SRRM3: variants seen among roughly 807,000 people sequenced by gnomAD.
The protein encoded by SRRM3 is serine/arginine repetitive matrix 3.
SRRM3 carries 27 observed loss-of-function variants against 66.2 expected under a neutral mutation model. The ratio of observed to expected loss-of-function variants is 0.41; its 90% CI spans 0.30 to 0.56. The LOEUF is 0.56. Among genes scored for constraint, SRRM3 ranks in the 20% least tolerant of loss-of-function variants. The pLI is 0.32. For synonymous variants in SRRM3, 391 were observed against 414.9 expected (o/e 0.94, Z 0.70); for missense variants, 918 against 991.9 (o/e 0.93, Z 1.00).
chr7:76,225,083 T>C (rs1481673915), intron 1 of SRRM3, among the ~76,000 whole-genome samples: 1 of 152,144 alleles, frequency 6.6e-6, no homozygotes, highest in Non-Finnish European at 1.5e-5. Context: ...CTAATATTTT[T>C]TCCACCAGCC....
At chr7:76,263,270 G>A (rs1245138100) in intron 8 of SRRM3, among the ~76,000 whole-genome samples, 6 of 152,192 alleles carry the variant, frequency 3.9e-5, no homozygotes, top group African/African-American at 9.6e-5. Flanking sequence ...CATAGCCTCC[G>A]GGCCTTCCCC....
chr7:76,255,049 G>C (rs180969597), intron 3 of SRRM3, among the ~76,000 whole-genome samples: 12 of 152,104 alleles, frequency 7.9e-5, no homozygotes, highest in Admixed American at 7.9e-4. Flanking sequence ...GGACTTGTTT[G>C]GGAATTGAAT....
At chr7:76,263,991 G>A (rs1015945117) in intron 8 of SRRM3, among the ~76,000 whole-genome samples, 6 of 150,972 alleles carry the variant, frequency 4.0e-5, no homozygotes, top group African/African-American at 9.8e-5. Context: ...GGGAGCACAC[G>A]GAGGAAGGGG....
intron 3 of SRRM3, among the ~76,000 whole-genome samples, chr7:76,253,227 C>T (rs984309198): frequency 2.6e-5 from 4 of 151,846 alleles, no homozygotes; most frequent in Non-Finnish European, 5.9e-5. Context: ...TGGCTCACGC[C>T]CGTAATCCCA....
intron 2 of SRRM3, among the ~76,000 whole-genome samples, chr7:76,243,905 G>C (rs969260817): frequency 6.6e-6 from 1 of 152,186 alleles, no homozygotes; most frequent in Non-Finnish European, 1.5e-5. Context: ...TGCTGGGGGG[G>C]TGGGGCACCA....
intron 1 of SRRM3, among the ~76,000 whole-genome samples, chr7:76,207,532 C>T (rs1274513124): frequency 6.6e-6 from 1 of 152,058 alleles, no homozygotes; most frequent in Admixed American, 6.6e-5. Flanking sequence ...AGGTCTGTTG[C>T]TGTTTTTACT....
At position 76,264,822 on chromosome 7, in the gene SRRM3, G is replaced by A. The variant is rs782605200; in HGVS notation, c.725+7G>A. 10 of 1,613,352 alleles carry A rather than the reference G, an allele frequency of 6.2e-6. No homozygotes were observed. Among genetic ancestry groups the A allele is most frequent in the Admixed American group, 3.3e-5 (2 of 59,984 alleles). The stretch of plus-strand genomic sequence containing the variant: ...AGAACAAAGAGAAGAAGAGGTAAGC[G>A]CCCTCCCTACTCTCCAGCCCCCCAT... On this transcript the variant is annotated splice_region_variant and intron_variant, in intron 9 of 14. Coordinates refer to ENST00000611745, the MANE Select transcript of SRRM3 (RefSeq NM_001110199.3).
chr7:76,227,515 C>A (rs1554603838), intron 1 of SRRM3, among the ~76,000 whole-genome samples: 1 of 152,212 alleles, frequency 6.6e-6, no homozygotes. Flanking sequence ...TTTCTTGAAT[C>A]CTGGTTGTCC....
chr7:76,277,744 G>GAA (rs61035427), intron 11 of SRRM3, among the ~76,000 whole-genome samples: 40,677 of 81,978 alleles, frequency 0.5, 8,552 homozygotes, highest in Non-Finnish European at 0.54. Flanking sequence ...AAGAGAGAGA[G>GAA]AGAAAGAAAG....
In SRRM3 at chr7:76,228,723, C is replaced by CAAACA. The variant is rs548866676; in HGVS notation, c.-39-6287_-39-6283dup. ...CAGGCAACAGTGCGAGACGCCGTCTCAAACAAAACAAAACAAAACAAATCT... is the reference window on the plus strand; with the variant it reads ...CAGGCAACAGTGCGAGACGCCGTCTCAAACAAAACAAAACAAAACAAAACAAATCT... On this transcript the variant is annotated intron_variant, in intron 1 of 14. Coordinates refer to ENST00000611745, the MANE Select transcript of SRRM3 (RefSeq NM_001110199.3). Among the ~76,000 whole-genome samples the CAAACA allele has an allele frequency of 2.8e-4, 43 of 152,086 alleles. No homozygotes were observed. In the East Asian group the frequency reaches 6.6e-3, roughly 23 times the overall value.
Position 76,267,417 on chromosome 7 carries a change from G to A in SRRM3, c.990G>A (p.Ser330=). The change falls in exon 11 of 15, where the codon TCG becomes TCA. Residue 330 remains serine (S), a synonymous_variant. Coordinates refer to ENST00000611745, the MANE Select transcript of SRRM3 (RefSeq NM_001110199.3). ...GAGCGCACGGGGGCCGCCCCGGCTC[G>A]GCGCACAGCCCGCCCGATGTACGTA... ...RSGAHGGRPG[S]AHSPPDKPSS... 1 of 1,378,424 alleles carries A rather than the reference G, an allele frequency of 7.3e-7. No individual in the cohort carries two copies. The highest frequency in any genetic ancestry group is 9.3e-7 in the Non-Finnish European group (1 of 1,071,714). 85.4% of individuals were successfully genotyped at this position (1,378,424 alleles called of 1,614,324 possible).
At chr7:76,239,748 G>C (rs987352694) in intron 2 of SRRM3, among the ~76,000 whole-genome samples, 2 of 152,060 alleles carry the variant, frequency 1.3e-5, no homozygotes, top group Non-Finnish European at 2.9e-5. Context: ...AAAACAAAAG[G>C]TCACTGTCTG....
chr7:76,221,204 C>T lies in SRRM3; in HGVS notation c.-39-13824C>T, dbSNP rs57065299. Among the ~76,000 whole-genome samples the T allele has an allele frequency of 8.5e-3, 1,292 of 151,752 alleles. 15 individuals carry two copies. Among genetic ancestry groups the T allele is most frequent in the African/African-American group, 0.03 (1,243 of 41,336 alleles). On this transcript the variant is annotated intron_variant, in intron 1 of 14. Coordinates refer to ENST00000611745, the MANE Select transcript of SRRM3 (RefSeq NM_001110199.3). ...TCCCAAGTAGCTGGGTTCACAGGTGCCCGCCACCACACCCAGTTAATTTTT... is the reference window on the plus strand; with the variant it reads ...TCCCAAGTAGCTGGGTTCACAGGTGTCCGCCACCACACCCAGTTAATTTTT...
chr7:76,230,104 G>A (rs1800976283), intron 1 of SRRM3, among the ~76,000 whole-genome samples: 1 of 152,104 alleles, frequency 6.6e-6, no homozygotes, highest in South Asian at 2.1e-4. Context: ...GATTCTGACT[G>A]TATATCCATG....
intron 1 of SRRM3, among the ~76,000 whole-genome samples, chr7:76,215,059 ACAGGAAAGAT>A (rs1800525598): frequency 6.7e-6 from 1 of 149,210 alleles, no homozygotes; most frequent in South Asian, 2.1e-4. Context: ...AAAAAAAAAA[ACAGGAAAGAT>A]GAGCAGTATA....
intron 1 of SRRM3, among the ~76,000 whole-genome samples, chr7:76,230,208 G>T (rs3973163): frequency 0.27 from 40,576 of 152,008 alleles, 7,046 homozygotes; most frequent in Non-Finnish European, 0.39. Flanking sequence ...GATGTGGTGA[G>T]AATAGAGCCC....
chr7:76,267,704 A>AG, intron 11 of SRRM3: 1 of 362,440 alleles, frequency 2.8e-6, no homozygotes, highest in East Asian at 4.3e-5. Flanking sequence ...TGAAGGCCAG[A>AG]GGGGGGTTGA....
At chr7:76,277,716 C>CAAAAAAAAAA (rs386353056) in intron 11 of SRRM3, among the ~76,000 whole-genome samples, 2 of 102,778 alleles carry the variant, frequency 1.9e-5, no homozygotes, top group Non-Finnish European at 3.7e-5. Context: ...TAAACAACAA[C>CAAAAAAAAAA]AAAAAAAAAA....
chr7:76,238,328 G>A (rs10268528), intron 2 of SRRM3, among the ~76,000 whole-genome samples: 2 of 152,042 alleles, frequency 1.3e-5, no homozygotes, highest in Non-Finnish European at 2.9e-5. Context: ...TTATCAAATC[G>A]AGTCATTAAT....
Sources: allele counts gnomAD v4.1 joint callset (sites outside exome capture counted in the v4.1 genomes callset), GRCh38; gene constraint gnomAD v4.1.1; transcripts MANE v1.5; gene names NCBI Gene and HGNC (gene_info 2026-07-23, HGNC 2026-07-21).